Variants in C1orf141 observed in about 807,000 individuals in gnomAD.
C1orf141 encodes uncharacterized protein C1orf141.
Under a neutral mutation model 23.2 loss-of-function variants are expected in C1orf141, and 19 were observed. The ratio of observed to expected loss-of-function variants is 0.82; its 90% CI spans 0.57 to 1.20. The LOEUF (loss-of-function observed/expected upper bound fraction) is 1.20, where lower values mean the gene tolerates loss of function less well. Ranked by LOEUF, C1orf141 falls within the 50% of genes most tolerant of loss-of-function variation. C1orf141 has a pLI of 0.00. For synonymous variants in C1orf141, 153 were observed against 154.6 expected (o/e 0.99, Z 0.08); for missense variants, 469 against 455.1 (o/e 1.03, Z -0.28).
rs1352752602 is a variant in C1orf141, at chr1:67,092,907, C to T, written c.*98G>A. 1.1e-6 allele frequency: 1 copy of T among 926,344 alleles called. No homozygotes were observed. Among genetic ancestry groups the T allele is most frequent in the Non-Finnish European group, 1.6e-6 (1 of 616,858 alleles). 57.4% of individuals were successfully genotyped at this position (926,344 alleles called of 1,614,324 possible). A position where few individuals can be genotyped will look rare whatever the true frequency, so the allele number is the denominator to read the frequency against. ...TCTATGCTTTGCTTTCTTATATGAT[C>T]AATTAGAACATTACTATTTGGATAA... On this transcript the variant is annotated 3_prime_UTR_variant, in exon 8 of 8. Coordinates refer to ENST00000684719, the MANE Select transcript of C1orf141 (RefSeq NM_001276351.2).
intron 4 of C1orf141, among the ~76,000 whole-genome samples, chr1:67,117,377 C>T (rs762521608): frequency 2.0e-5 from 3 of 152,016 alleles, no homozygotes; most frequent in Non-Finnish European, 2.9e-5. Flanking sequence ...GAGCTGAGAT[C>T]GTGCCACTGC....
chr1:67,127,222 C>G lies in C1orf141; in HGVS notation c.19G>C (p.Glu7Gln). ...TGCTTATCAAGGACATCCAACTTCTCTAGGATTTTTTCTGCCATTGTCAAT... is the reference window on the plus strand; with the variant it reads ...TGCTTATCAAGGACATCCAACTTCTGTAGGATTTTTTCTGCCATTGTCAAT... MAEKIL[E>Q]KLDVLDKQAE... Residue 7 changes from glutamate (E) to glutamine (Q), a missense_variant, in exon 3 of 8, where the codon GAG becomes CAG. Transcript: ENST00000684719. 2 of 1,607,828 alleles carry G rather than the reference C, an allele frequency of 1.2e-6. No homozygotes were observed. Among genetic ancestry groups the G allele is most frequent in the South Asian group, 2.2e-5 (2 of 89,856 alleles).
At chr1:67,127,542 T>C (rs1646438808) in intron 2 of C1orf141, among the ~76,000 whole-genome samples, 1 of 152,188 alleles carries the variant, frequency 6.6e-6, no homozygotes, top group Admixed American at 6.5e-5. Context: ...ATGTGACTTA[T>C]ACTTGAAGCA....
At chr1:67,095,626 T>C (rs1200745008) in intron 6 of C1orf141, 2 of 432,922 alleles carry the variant, frequency 4.6e-6, no homozygotes, top group Middle Eastern at 5.8e-4. Flanking sequence ...AAGAGAGTCA[T>C]ATATATGCCT....
intron 5 of C1orf141, among the ~76,000 whole-genome samples, chr1:67,097,967 T>A (rs1645719557): frequency 6.6e-6 from 1 of 152,092 alleles, no homozygotes; most frequent in Non-Finnish European, 1.5e-5. Context: ...GAAAGGAGAA[T>A]AAAAATCACT....
chr1:67,103,475 A>T, intron 5 of C1orf141: 1 of 659,444 alleles, frequency 1.5e-6, no homozygotes, highest in Non-Finnish European at 2.2e-6. Flanking sequence ...CACATTTGCA[A>T]TATTGAATTA....
At chr1:67,140,935 A>C (rs1646631590) in intron 1 of C1orf141, among the ~76,000 whole-genome samples, 1 of 152,190 alleles carries the variant, frequency 6.6e-6, no homozygotes, top group Non-Finnish European at 1.5e-5. Context: ...AGTAAATGGC[A>C]GATTCAGAAT....
chr1:67,127,023 A>G (rs1646428638), intron 3 of C1orf141, 143 bp downstream of exon 3: 1 of 472,688 alleles, frequency 2.1e-6, no homozygotes, highest in East Asian at 3.5e-5. Flanking sequence ...TATACATTAC[A>G]TTTTCAACTA....
At chr1:67,129,785 C>A (rs1300122247) in intron 2 of C1orf141, among the ~76,000 whole-genome samples, 1 of 152,144 alleles carries the variant, frequency 6.6e-6, no homozygotes, top group East Asian at 1.9e-4. Flanking sequence ...AACTCTAAAC[C>A]AATTTTGCCC....
chr1:67,132,521 C>CAA (rs986825394), intron 1 of C1orf141, among the ~76,000 whole-genome samples: 2 of 139,694 alleles, frequency 1.4e-5, no homozygotes, highest in African/African-American at 5.2e-5. Context: ...GTCTCCATTT[C>CAA]AAAAAAAAAA....
intron 5 of C1orf141, among the ~76,000 whole-genome samples, chr1:67,110,673 A>C (rs1646048129): frequency 6.6e-6 from 1 of 151,968 alleles, no homozygotes; most frequent in Admixed American, 6.5e-5. Context: ...TATAATTTTT[A>C]CATAAGATGC....
chr1:67,097,936 G>T (rs192696685), intron 5 of C1orf141, among the ~76,000 whole-genome samples: 66 of 152,260 alleles, frequency 4.3e-4, no homozygotes, highest in African/African-American at 1.3e-3. Flanking sequence ...CAAGGTGCTG[G>T]GTTAAGGATC....
At chr1:67,129,027 T>C (rs1646471129) in intron 2 of C1orf141, among the ~76,000 whole-genome samples, 1 of 152,192 alleles carries the variant, frequency 6.6e-6, no homozygotes, top group Admixed American at 6.5e-5. Context: ...TTTACTCTTT[T>C]TTCCTTCACC....
At chr1:67,139,648 C>G (rs1041516475), upstream of C1orf141, among the ~76,000 whole-genome samples, 5 of 152,180 alleles carry the variant, frequency 3.3e-5, no homozygotes, top group Non-Finnish European at 7.3e-5. Flanking sequence ...TATTTGTCCC[C>G]TCCGAAAGTC....
intron 5 of C1orf141, among the ~76,000 whole-genome samples, chr1:67,112,085 TA>T (rs1171995301): frequency 1.3e-5 from 2 of 152,182 alleles, no homozygotes; most frequent in Non-Finnish European, 2.9e-5. Context: ...GGGTCAGGCA[TA>T]CAGACTTTGG....
At chr1:67,105,769 G>A (rs1333152334) in intron 5 of C1orf141, among the ~76,000 whole-genome samples, 1 of 152,228 alleles carries the variant, frequency 6.6e-6, no homozygotes, top group Non-Finnish European at 1.5e-5. Flanking sequence ...CTTGCATGGG[G>A]TGGAGCTGCT....
upstream of C1orf141, among the ~76,000 whole-genome samples, chr1:67,135,449 G>T (rs11209003): frequency 0.28 from 42,524 of 152,090 alleles, 6,463 homozygotes; most frequent in Admixed American, 0.44. Flanking sequence ...AACCTCCCGT[G>T]TGGTTAGTAA....
At chr1:67,126,882 G>A (rs1324249339) in intron 3 of C1orf141, among the ~76,000 whole-genome samples, 1 of 152,170 alleles carries the variant, frequency 6.6e-6, no homozygotes, top group Non-Finnish European at 1.5e-5. Flanking sequence ...GGATGCAAAT[G>A]TCCATAGCAG....
chr1:67,103,300 GA>G (rs754407079), intron 5 of C1orf141: 1 of 1,493,034 alleles, frequency 6.7e-7, no homozygotes, highest in Non-Finnish European at 9.0e-7. Context: ...GAACATAGGA[GA>G]AAAGTCTGTA....
Sources: allele counts gnomAD v4.1 joint callset (sites outside exome capture counted in the v4.1 genomes callset), GRCh38; gene constraint gnomAD v4.1.1; transcripts MANE v1.5; gene names NCBI Gene and HGNC (gene_info 2026-07-23, HGNC 2026-07-21).